Variants in SCAP observed in about 807,000 individuals in gnomAD.
The protein encoded by SCAP is sterol regulatory element-binding protein cleavage-activating protein.
SCAP carries 65 observed loss-of-function variants against 123.6 expected under a neutral mutation model. The ratio of observed to expected loss-of-function variants is 0.53; its 90% CI spans 0.43 to 0.65. The LOEUF is 0.65. Ranked by LOEUF, SCAP falls within the 30% of genes least tolerant of loss-of-function variation. The pLI, the probability that SCAP is intolerant of heterozygous loss-of-function variation, is 0.00. For missense variants in SCAP, 1,398 were observed against 1,712.5 expected (o/e 0.82, Z 3.24); for synonymous variants, 740 against 726.3 (o/e 1.02, Z -0.30).
At position 47,423,996 on chromosome 3, in the gene SCAP, C is replaced by G. The variant is rs764403993; in HGVS notation, c.1087G>C (p.Val363Leu). 6.2e-7 allele frequency: 1 copy of G among 1,614,178 alleles called. No homozygotes were observed. The highest frequency in any genetic ancestry group is 8.5e-7 in the Non-Finnish European group (1 of 1,180,014). The stretch of plus-strand genomic sequence containing the variant: ...GTTGAGACCACAGACTTGGTGAGCA[C>G]CAACACATTCTCTAACCCAATAACC... ...VVVIGLENVLVLTKSVVSTPV... is the reference protein window; with the variant it reads ...VVVIGLENVLLLTKSVVSTPV... The change falls in exon 9 of 23, where the codon GTG becomes CTG. Residue 363 changes from valine to leucine, a missense_variant. Coordinates refer to ENST00000265565, the MANE Select transcript of SCAP (RefSeq NM_012235.4).
At chr3:47,461,931 G>A (rs1707656602) in intron 1 of SCAP, among the ~76,000 whole-genome samples, 1 of 152,102 alleles carries the variant, frequency 6.6e-6, no homozygotes, top group African/African-American at 2.4e-5. Flanking sequence ...CTACTTGGGA[G>A]GCTGAGACAG....
At chr3:47,450,663 T>A (rs1285196441) in intron 1 of SCAP, among the ~76,000 whole-genome samples, 1 of 118,664 alleles carries the variant, frequency 8.4e-6, no homozygotes. Context: ...CCATGAGAGA[T>A]AATTTTTGGT....
chr3:47,415,796 A>G (rs1013961630), intron 18 of SCAP, among the ~76,000 whole-genome samples: 1 of 152,160 alleles, frequency 6.6e-6, no homozygotes, highest in African/African-American at 2.4e-5. Context: ...TCTGCCTACA[A>G]CCTCTGCCCA....
intron 21 of SCAP, 34 bp downstream of exon 21, chr3:47,414,538 T>A: frequency 2.5e-6 from 4 of 1,612,040 alleles, no homozygotes; most frequent in Non-Finnish European, 3.4e-6. Flanking sequence ...GGCCACAGAC[T>A]CTGTACCCCC....
At chr3:47,459,541 G>C (rs1383715284) in intron 1 of SCAP, among the ~76,000 whole-genome samples, 4 of 152,122 alleles carry the variant, frequency 2.6e-5, no homozygotes, top group Non-Finnish European at 5.9e-5. Flanking sequence ...CTCCAGGGGT[G>C]ACATCACATA....
chr3:47,472,294 C>A (rs1219183191), intron 1 of SCAP, among the ~76,000 whole-genome samples: 1 of 149,216 alleles, frequency 6.7e-6, no homozygotes, highest in Non-Finnish European at 1.5e-5. Flanking sequence ...ATTAGCCGGG[C>A]GCGGTGGCGG....
At position 47,454,748 on chromosome 3, in the gene SCAP, A is replaced by T. The variant is rs72913103; in HGVS notation, c.-98-11657T>A. 6.3e-3 allele frequency among the ~76,000 whole-genome samples: 960 copies of T among 151,974 alleles called. 7 individuals are homozygous for T. The highest frequency in any genetic ancestry group is 0.02 in the African/African-American group (839 of 41,484). ...AGATGACAGAGACTCTGTCTCAAAA[A>T]ATAATAATAAAAAAAATACACATAT... On this transcript the variant is annotated intron_variant, in intron 1 of 22. Coordinates refer to ENST00000265565, the MANE Select transcript of SCAP (RefSeq NM_012235.4).
chr3:47,414,718 A>G (rs1442397951), intron 20 of SCAP, 66 bp from the exon 21 acceptor site: 5 of 1,611,266 alleles, frequency 3.1e-6, no homozygotes, highest in Admixed American at 3.3e-5. Context: ...TGGCTGGGAA[A>G]TGCCCTCTGT....
chr3:47,417,846 A>AGTGAGAGGGGGCACGGGGGAGGGAG lies in SCAP; in HGVS notation c.2448-21_2448-20insCTCCCTCCCCCGTGCCCCCTCTCAC. ...TGCCTGCTGGGGGCCAGGAGGGCGG[A>AGTGAGAGGGGGCACGGGGGAGGGAG]GTGAGAGGGGGCACGGGGGAGGGGG... On this transcript the variant is annotated intron_variant, in intron 16 of 22. Coordinates refer to ENST00000265565, the MANE Select transcript of SCAP (RefSeq NM_012235.4). The AGTGAGAGGGGGCACGGGGGAGGGAG allele has an allele frequency of 1.8e-6, 2 of 1,082,790 alleles. No individual in the cohort carries two copies. Among genetic ancestry groups the AGTGAGAGGGGGCACGGGGGAGGGAG allele is most frequent in the Non-Finnish European group, 2.3e-6 (2 of 869,166 alleles). 67.1% of individuals were successfully genotyped at this position (1,082,790 alleles called of 1,614,324 possible).
chr3:47,463,383 C>T (rs1460670133), intron 1 of SCAP, among the ~76,000 whole-genome samples: 2 of 152,188 alleles, frequency 1.3e-5, no homozygotes, highest in Non-Finnish European at 2.9e-5. Context: ...AAGCACAAAT[C>T]ACTAATGTCA....
chr3:47,432,535 C>T (rs946789656), intron 3 of SCAP, among the ~76,000 whole-genome samples: 2 of 152,100 alleles, frequency 1.3e-5, no homozygotes, highest in South Asian at 2.1e-4. Flanking sequence ...TCATCCCACA[C>T]CACGCGTATG....
Position 47,419,246 on chromosome 3 carries a change from C to T in SCAP, c.1940+82G>A. ...GTTTTAATTATTTGCATAATTCAAA[C>T]CTGTGGGCCTCCTGCATTGGGGAAA... On this transcript the variant is annotated intron_variant, in intron 13 of 22. Coordinates refer to ENST00000265565, the MANE Select transcript of SCAP (RefSeq NM_012235.4). The surrounding 1 kb of genome is among the most constrained non-coding windows in gnomAD (Gnocchi z 5.0). The T allele has an allele frequency of 6.7e-7, 1 of 1,499,886 alleles. No homozygotes were observed. Among genetic ancestry groups the T allele is most frequent in the Non-Finnish European group, 9.0e-7 (1 of 1,110,032 alleles). 92.9% of individuals were successfully genotyped at this position (1,499,886 alleles called of 1,614,324 possible). A position where few individuals can be genotyped will look rare whatever the true frequency, so the allele number is the denominator to read the frequency against.
intron 15 of SCAP, 34 bp downstream of exon 15, chr3:47,418,287 C>A: frequency 6.4e-7 from 1 of 1,552,998 alleles, no homozygotes; most frequent in Non-Finnish European, 8.7e-7. Context: ...CAGGCTCCGG[C>A]CCTCCCCTAC....
chr3:47,443,141 C>T, intron 1 of SCAP, 50 bp from the exon 2 acceptor site: 1 of 1,393,520 alleles, frequency 7.2e-7, no homozygotes, highest in African/African-American at 1.4e-5. Flanking sequence ...TGGCTCTGCA[C>T]ACTAGGGCTG....
At chr3:47,438,969 G>T (rs564327195) in intron 2 of SCAP, among the ~76,000 whole-genome samples, 8 of 152,250 alleles carry the variant, frequency 5.3e-5, no homozygotes, top group African/African-American at 1.9e-4. Context: ...GGAAGACAGT[G>T]AATAATAACA....
rs142541379 is a variant in SCAP at position 47,418,756 on chromosome 3, G to A, written c.2028C>T (p.Arg676=). 17 of 1,589,422 alleles carry A rather than the reference G, an allele frequency of 1.1e-5. No homozygotes were observed. The highest frequency in any genetic ancestry group is 1.4e-5 in the Non-Finnish European group (16 of 1,170,890). Residue 676 remains arginine, a synonymous_variant, in exon 14 of 23, where the codon CGC becomes CGT. Transcript: ENST00000265565. Reference sequence around the variant, plus strand: ...TGGGCCCCGGTGGGGGCCAGGCACTGCGGCCGTCCTGAGGGTGCCGGCCCT... The same window carrying A: ...TGGGCCCCGGTGGGGGCCAGGCACTACGGCCGTCCTGAGGGTGCCGGCCCT... ...ALEGRHPQDG[R]SAWPPPGPIP... is the part of the protein sequence containing the mutation.
intron 2 of SCAP, among the ~76,000 whole-genome samples, chr3:47,437,085 T>G (rs1706607291): frequency 6.6e-6 from 1 of 152,246 alleles, no homozygotes; most frequent in Non-Finnish European, 1.5e-5. Context: ...GAATAAAGTA[T>G]AGTGCATTTG....
intron 10 of SCAP, chr3:47,421,270 A>T (rs886096256): frequency 3.8e-6 from 2 of 529,316 alleles, no homozygotes; most frequent in African/African-American, 3.8e-5. Context: ...GGGAAGGGGA[A>T]GTACCTTCCC....
upstream of SCAP, among the ~76,000 whole-genome samples, chr3:47,476,609 A>C (rs1219509333): frequency 6.6e-6 from 1 of 152,226 alleles, no homozygotes; most frequent in East Asian, 1.9e-4. Flanking sequence ...GGTATTTGTT[A>C]TAATAGCAAC....
Sources: gnomAD v4.1 joint callset for allele counts (sites outside exome capture counted in the v4.1 genomes callset) on GRCh38, gnomAD v4.1.1 for gene constraint, Gnocchi (gnomAD v3.1) non-coding constraint, MANE v1.5 for transcripts, NCBI Gene and HGNC (gene_info 2026-07-23, HGNC 2026-07-21) for gene names.